The following EIF3F variants were observed in gnomAD, a reference collection of about 807,000 sequenced individuals.
EIF3F encodes the protein eukaryotic translation initiation factor 3 subunit F.
EIF3F carries 8 observed loss-of-function variants against 36.0 expected under a neutral mutation model. That is an observed-to-expected ratio of 0.22 (90% CI 0.13 to 0.40). EIF3F has a LOEUF of 0.40. Among genes scored for constraint, EIF3F ranks in the 10% least tolerant of loss-of-function variants. The pLI, the probability that EIF3F is intolerant of heterozygous loss-of-function variation, is 1.00. For synonymous variants in EIF3F, 184 were observed against 188.5 expected (o/e 0.98, Z 0.19); for missense variants, 430 against 467.6 (o/e 0.92, Z 0.74).
At position 7,999,050 on chromosome 11, in the gene EIF3F, G is replaced by GA. The variant is rs1375519160; in HGVS notation, c.*3030dup. On this transcript the variant is annotated 3_prime_UTR_variant, in exon 8 of 8. Transcript: ENST00000651655. ...GGCTGAGATGGGTTAATCAAGACCA[G>GA]AAGTTCAAGACCAGCGTGGCCAACA... 1 of 152,162 alleles carries GA rather than the reference G, an allele frequency of 6.6e-6. No individual in the cohort carries two copies. The highest frequency in any genetic ancestry group is 2.4e-5 in the African/African-American group (1 of 41,430). 9.4% of individuals were successfully genotyped at this position (152,162 alleles called of 1,614,324 possible).
Position 7,991,766 on chromosome 11 carries a change from TTCTC to T in EIF3F, c.365-11_365-8del. On this transcript the variant is annotated splice_polypyrimidine_tract_variant and intron_variant, in intron 1 of 7. Transcript: ENST00000651655. ...CTAGGATTATATAACACATGGACGA[TTCTC>T]TCTTTCACAGGAACTGTCGACAAAC... 1 of 1,614,036 alleles carries T rather than the reference TTCTC, an allele frequency of 6.2e-7. No homozygotes were observed. The highest frequency in any genetic ancestry group is 8.5e-7 in the Non-Finnish European group (1 of 1,179,894).
intron 5 of EIF3F, 38 bp downstream of exon 5, chr11:7,994,555 G>T (rs1366631891): frequency 5.1e-6 from 8 of 1,583,002 alleles, no homozygotes; most frequent in Non-Finnish European, 6.9e-6. Flanking sequence ...GAGGCCATAG[G>T]CATTTTCAGG....
intron 1 of EIF3F, among the ~76,000 whole-genome samples, chr11:7,988,745 C>T (rs1264482550): frequency 6.6e-6 from 1 of 152,176 alleles, no homozygotes; most frequent in Non-Finnish European, 1.5e-5. Flanking sequence ...CCTCACAAAA[C>T]ATTTGCCATG....
chr11:7,992,275 C>G, intron 3 of EIF3F, 112 bp downstream of exon 3: 9 of 938,298 alleles, frequency 9.6e-6, no homozygotes, highest in African/African-American at 1.6e-5. Context: ...AAGAGTATTG[C>G]AAGTGTATTA....
chr11:7,993,033 A>C lies in EIF3F; in HGVS notation c.653+9A>C, dbSNP rs1942115185. ...ATCAAAGCCTACGTCAGGTGACCAC[A>C]GTCTTGGGCTACAAGGGCATAAAAC... On this transcript the variant is annotated intron_variant, in intron 4 of 7. Coordinates refer to ENST00000651655, the MANE Select transcript of EIF3F (RefSeq NM_003754.3). 6.3e-7 allele frequency: 1 copy of C among 1,578,228 alleles called. No individual in the cohort carries two copies. Among genetic ancestry groups the C allele is most frequent in the African/African-American group, 1.4e-5 (1 of 74,062 alleles).
intron 5 of EIF3F, 115 bp downstream of exon 5, chr11:7,994,632 A>G: frequency 4.4e-6 from 4 of 913,488 alleles, no homozygotes; most frequent in Non-Finnish European, 6.7e-6. Context: ...CTATTGATCT[A>G]AGGTTTGTGA....
chr11:7,998,691 T>C lies in EIF3F; in HGVS notation c.*2669T>C, dbSNP rs1942189127. The stretch of plus-strand genomic sequence containing the variant: ...GTCTGCAAAAAATGAGAATTGACTA[T>C]TATGTGTGTGTATATTATATATATG... On this transcript the variant is annotated 3_prime_UTR_variant, in exon 8 of 8. Coordinates refer to ENST00000651655, the MANE Select transcript of EIF3F (RefSeq NM_003754.3). The C allele has an allele frequency of 6.6e-6, 1 of 152,156 alleles. No homozygotes were observed. Among genetic ancestry groups the C allele is most frequent in the African/African-American group, 2.4e-5 (1 of 41,442 alleles). The allele number at this position is 152,156 out of a possible 1,614,324, so 9.4% of individuals were successfully genotyped here. A position where few individuals can be genotyped will look rare whatever the true frequency, so the allele number is the denominator to read the frequency against.
At chr11:7,995,843 G>T (rs983690641) in intron 7 of EIF3F, 102 bp from the exon 8 acceptor site, 2 of 887,716 alleles carry the variant, frequency 2.3e-6, no homozygotes, top group African/African-American at 3.3e-5. Context: ...TTTATCCACA[G>T]CTGTCCTCAT....
rs568854224 is a variant in EIF3F, at chr11:7,999,394, G to A, written c.*3372G>A. 2.6e-5 allele frequency: 4 copies of A among 152,150 alleles called. No individual in the cohort carries two copies. Among genetic ancestry groups the A allele is most frequent in the African/African-American group, 9.7e-5 (4 of 41,430 alleles). The allele number at this position is 152,150 out of a possible 1,614,324, so 9.4% of individuals were successfully genotyped here. ...TCACTTGAAGGCATATCATGTTCTT[G>A]AATAAGAAGACTCAACATTATTTTA... On this transcript the variant is annotated 3_prime_UTR_variant, in exon 8 of 8. Coordinates refer to ENST00000651655, the MANE Select transcript of EIF3F (RefSeq NM_003754.3).
intron 1 of EIF3F, among the ~76,000 whole-genome samples, chr11:7,989,794 G>A (rs1260933770): frequency 6.6e-6 from 1 of 152,116 alleles, no homozygotes; most frequent in African/African-American, 2.4e-5. Context: ...ACTACAAGAA[G>A]TATAAAAAAG....
chr11:7,989,637 C>G (rs1942069436), intron 1 of EIF3F, among the ~76,000 whole-genome samples: 2 of 145,192 alleles, frequency 1.4e-5, no homozygotes, highest in African/African-American at 5.4e-5. Flanking sequence ...GAAGTGTACT[C>G]TTAAATGCAA....
In EIF3F at chr11:7,987,502, G is replaced by T; in HGVS notation, c.150G>T (p.Ala50=). 6.2e-7 allele frequency: 1 copy of T among 1,605,754 alleles called. No individual in the cohort carries two copies. The highest frequency in any genetic ancestry group is 8.5e-7 in the Non-Finnish European group (1 of 1,177,710). ...AAAPASSSDP[A]AAAAATAAPG... ...CTCCAGCCTCATCCTCAGACCCTGC[G>T]GCAGCAGCGGCTGCAACTGCGGCTC... Residue 50 remains alanine, a synonymous_variant, in exon 1 of 8, where the codon GCG becomes GCT. Coordinates refer to ENST00000651655, the MANE Select transcript of EIF3F (RefSeq NM_003754.3).
At chr11:7,990,496 C>T (rs1466990224) in intron 1 of EIF3F, among the ~76,000 whole-genome samples, 4 of 151,990 alleles carry the variant, frequency 2.6e-5, no homozygotes, top group African/African-American at 9.7e-5. Context: ...AATAAAAAGA[C>T]AAGAGAACAG....
rs777282455 is a variant in EIF3F, at chr11:7,991,793, A to C, written c.377A>C (p.Lys126Thr). 2.5e-6 allele frequency: 4 copies of C among 1,614,094 alleles called. No homozygotes were observed. The highest frequency in any genetic ancestry group is 1.7e-5 in the Admixed American group (1 of 60,006). ...CTCTCTTTCACAGGAACTGTCGACA[A>C]ACACTCAGTGGAGGTCACCAATTGC... ...VIGTLLGTVDKHSVEVTNCFS... is the reference protein window; with the variant it reads ...VIGTLLGTVDTHSVEVTNCFS... Residue 126 changes from lysine (K) to threonine (T), a missense_variant, in exon 2 of 8, where the codon AAA becomes ACA. Physicochemically the swap from Lys to Thr is moderately conservative, Grantham distance 78. Coordinates refer to ENST00000651655, the MANE Select transcript of EIF3F (RefSeq NM_003754.3).
At position 7,996,030 on chromosome 11, in the gene EIF3F, C is replaced by T. The variant is rs756163024; in HGVS notation, c.*8C>T. ...AAACTTGTAAACCTGTGAATGGACC[C>T]CAAGCAGTACACTTGCTGGTCTAGG... On this transcript the variant is annotated 3_prime_UTR_variant, in exon 8 of 8. Transcript: ENST00000651655. The T allele has an allele frequency of 1.2e-6, 2 of 1,613,506 alleles. No individual in the cohort carries two copies. Among genetic ancestry groups the T allele is most frequent in the Admixed American group, 3.3e-5 (2 of 60,002 alleles).
At chr11:7,991,997 T>A in intron 2 of EIF3F, 87 bp from the exon 3 acceptor site, 1 of 1,500,814 alleles carries the variant, frequency 6.7e-7, no homozygotes, top group Non-Finnish European at 9.2e-7. Flanking sequence ...GCCTCTTCTG[T>A]TTATTGGGGG....
chr11:7,991,038 T>C (rs1162571143), intron 1 of EIF3F, among the ~76,000 whole-genome samples: 1 of 151,502 alleles, frequency 6.6e-6, no homozygotes, highest in Admixed American at 6.6e-5. Context: ...CTAGTAAAAA[T>C]ACAAAAATTA....
chr11:7,994,635 G>C lies in EIF3F; in HGVS notation c.745+118G>C, dbSNP rs138798903. ...TTTGAAAAGGGACTATTGATCTAAG[G>C]TTTGTGAAGACTAGAAGTCACAGTC... On this transcript the variant is annotated intron_variant, in intron 5 of 7. Transcript: ENST00000651655. 719 of 920,748 alleles carry C rather than the reference G, an allele frequency of 7.8e-4. 8 individuals carry two copies. In the East Asian group the frequency reaches 0.017, roughly 21 times the overall value. The allele number at this position is 920,748 out of a possible 1,614,324, so 57.0% of individuals were successfully genotyped here.
chr11:7,994,582 C>A (rs1942140400), intron 5 of EIF3F, 65 bp downstream of exon 5: 1 of 1,483,892 alleles, frequency 6.7e-7, no homozygotes, highest in Admixed American at 1.9e-5. Context: ...GGCTGCTAGT[C>A]TGCAACATGG....
Sources: allele counts gnomAD v4.1 joint callset (sites outside exome capture counted in the v4.1 genomes callset), GRCh38; gene constraint gnomAD v4.1.1; transcripts MANE v1.5; gene names NCBI Gene and HGNC (gene_info 2026-07-23, HGNC 2026-07-21).